The following HEXB variants were observed in gnomAD, a reference collection of about 807,000 sequenced individuals.
HEXB encodes beta-hexosaminidase subunit beta.
Under a neutral mutation model 71.2 loss-of-function variants are expected in HEXB, and 51 were observed. The observed-to-expected ratio is 0.72, with a 90% CI of 0.57 to 0.90. HEXB has a LOEUF of 0.90. Among genes scored for constraint, HEXB ranks in the 40% least tolerant of loss-of-function variants. The pLI, the probability that HEXB is intolerant of heterozygous loss-of-function variation, is 0.00. For synonymous variants in HEXB, 266 were observed against 249.3 expected (o/e 1.07, Z -0.63); for missense variants, 617 against 677.0 (o/e 0.91, Z 0.98).
intron 6 of HEXB, among the ~76,000 whole-genome samples, chr5:74,707,875 T>C (rs1319543529): frequency 6.6e-6 from 1 of 152,156 alleles, no homozygotes; most frequent in African/African-American, 2.4e-5. Flanking sequence ...TGCAGGATAT[T>C]ATCCAGGAGA....
At chr5:74,658,632 G>A (rs1212448882) in intron 1 of HEXB, among the ~76,000 whole-genome samples, 1 of 152,112 alleles carries the variant, frequency 6.6e-6, no homozygotes, top group Non-Finnish European at 1.5e-5. Flanking sequence ...AAGCTTCCCT[G>A]GGTGGTAATA....
intron 1 of HEXB, among the ~76,000 whole-genome samples, chr5:74,650,992 A>G (rs367825497): frequency 1.2e-3 from 183 of 152,052 alleles, no homozygotes; most frequent in Middle Eastern, 3.4e-3. Context: ...GTTAGAAGAA[A>G]TGGCTTCATC....
At position 74,720,712 on chromosome 5, in the gene HEXB, T is replaced by G. The variant is rs1460801055; in HGVS notation, c.1578T>G (p.Tyr526Ter). The G allele has an allele frequency of 6.2e-7, 1 of 1,614,130 alleles. No homozygotes were observed. Among genetic ancestry groups the G allele is most frequent in the Non-Finnish European group, 8.5e-7 (1 of 1,179,954 alleles). The change falls in exon 13 of 14, where the codon TAT becomes TAG. Residue 526 changes from tyrosine to a stop codon, truncating the protein, a stop_gained. Transcript: ENST00000261416. LOFTEE classifies it low-confidence loss of function (END_TRUNC). Reference protein sequence around the residue: ...SKDVRDMDDAYDRLTRHRCRM... With the variant: ...SKDVRDMDDA ...ATGTCAGAGATATGGATGACGCCTA[T>G]GACAGACTGACAAGGCACCGCTGCA...
At chr5:74,686,568 C>A (rs1748878961) in intron 1 of HEXB, among the ~76,000 whole-genome samples, 1 of 152,126 alleles carries the variant, frequency 6.6e-6, no homozygotes, top group Non-Finnish European at 1.5e-5. Context: ...AGGACAGGTG[C>A]CTAGGCTCAA....
intron 1 of HEXB, among the ~76,000 whole-genome samples, chr5:74,687,806 C>T (rs1036234502): frequency 6.6e-6 from 1 of 152,042 alleles, no homozygotes; most frequent in African/African-American, 2.4e-5. Context: ...ATGAGAAGGG[C>T]CCTCAACACC....
chr5:74,693,524 A>G, intron 2 of HEXB, 115 bp from the exon 3 acceptor site: 3 of 801,056 alleles, frequency 3.7e-6, no homozygotes, highest in South Asian at 2.8e-5. Flanking sequence ...GAAATAGGTC[A>G]TGTGCTTGGG....
intron 1 of HEXB, among the ~76,000 whole-genome samples, chr5:74,667,867 C>A (rs998526549): frequency 6.6e-6 from 1 of 152,126 alleles, no homozygotes; most frequent in Admixed American, 6.5e-5. Context: ...AGTGTGGATT[C>A]CTGATTAAGG....
In HEXB at chr5:74,705,161, T is replaced by C; in HGVS notation, c.670-58T>C. ...GGAAGCAATTCCAAATGTAGATAGG[T>C]AATATGGATTGTATATGATATCTGC... On this transcript the variant is annotated intron_variant, in intron 5 of 13. Coordinates refer to ENST00000261416, the MANE Select transcript of HEXB (RefSeq NM_000521.4). The C allele has an allele frequency of 3.2e-6, 3 of 937,478 alleles. No individual in the cohort carries two copies. The South Asian group carries it at 3.9e-5, about 12-fold the overall frequency. 58.1% of individuals were successfully genotyped at this position (937,478 alleles called of 1,614,324 possible).
intron 1 of HEXB, among the ~76,000 whole-genome samples, chr5:74,646,122 T>C (rs994439974): frequency 2.6e-5 from 4 of 152,126 alleles, no homozygotes; most frequent in African/African-American, 9.6e-5. Flanking sequence ...GGCTGGAAGG[T>C]TGTTTTGTGG....
intron 1 of HEXB, among the ~76,000 whole-genome samples, chr5:74,674,394 G>A (rs972880081): frequency 5.9e-5 from 9 of 152,036 alleles, no homozygotes; most frequent in Admixed American, 5.9e-4. Flanking sequence ...ACAAGGTCAG[G>A]AGATCGAGAC....
intron 1 of HEXB, among the ~76,000 whole-genome samples, chr5:74,668,406 T>C (rs533459874): frequency 1.2e-4 from 18 of 152,176 alleles, no homozygotes; most frequent in Non-Finnish European, 1.8e-4. Flanking sequence ...AGCTAACTTT[T>C]TCTTTGCTAT....
At chr5:74,673,479 C>G (rs904320410) in intron 1 of HEXB, among the ~76,000 whole-genome samples, 1 of 152,298 alleles carries the variant, frequency 6.6e-6, no homozygotes, top group African/African-American at 2.4e-5. Flanking sequence ...AGGCTGTCCA[C>G]CCACCTCAAC....
chr5:74,717,952 A>G (rs1328552070), intron 9 of HEXB, among the ~76,000 whole-genome samples: 1 of 152,240 alleles, frequency 6.6e-6, no homozygotes, highest in East Asian at 1.9e-4. Flanking sequence ...TACCATTTTA[A>G]GACAGCCATA....
intron 9 of HEXB, 33 bp from the exon 10 acceptor site, chr5:74,718,258 T>C (rs771298165): frequency 7.7e-7 from 1 of 1,301,380 alleles, no homozygotes; most frequent in East Asian, 2.3e-5. Flanking sequence ...AAGCTTATGA[T>C]CTAAAATAAC....
intron 1 of HEXB, among the ~76,000 whole-genome samples, chr5:74,650,613 A>G (rs1748084484): frequency 6.6e-6 from 1 of 152,084 alleles, no homozygotes; most frequent in Non-Finnish European, 1.5e-5. Flanking sequence ...TTTGCCGAAT[A>G]TGAGGAAGTT....
chr5:74,648,710 G>A (rs547127024), intron 1 of HEXB, among the ~76,000 whole-genome samples: 6 of 152,168 alleles, frequency 3.9e-5, no homozygotes, highest in South Asian at 4.2e-4. Context: ...CAATGTCATC[G>A]GCATACATGT....
chr5:74,670,737 G>A (rs931318363), intron 1 of HEXB, among the ~76,000 whole-genome samples: 26 of 152,170 alleles, frequency 1.7e-4, no homozygotes, highest in Non-Finnish European at 8.8e-5. Flanking sequence ...CTGCCCGGGC[G>A]CCACTGCATT....
chr5:74,675,871 A>G (rs1444195800), intron 1 of HEXB, among the ~76,000 whole-genome samples: 1 of 152,228 alleles, frequency 6.6e-6, no homozygotes, highest in African/African-American at 2.4e-5. Flanking sequence ...GTTCTACTTC[A>G]TTCTTGTATA....
chr5:74,708,351 G>C (rs1749455241), intron 6 of HEXB, among the ~76,000 whole-genome samples: 1 of 151,688 alleles, frequency 6.6e-6, no homozygotes, highest in African/African-American at 2.4e-5. Context: ...AAAGTGTAAA[G>C]ACCATCGAGA....
Sources: gnomAD v4.1 joint callset for allele counts (sites outside exome capture counted in the v4.1 genomes callset) on GRCh38, gnomAD v4.1.1 for gene constraint, MANE v1.5 for transcripts, NCBI Gene and HGNC (gene_info 2026-07-23, HGNC 2026-07-21) for gene names.